Variants in DPM1 observed in about 807,000 individuals in gnomAD.
The protein encoded by DPM1 is dolichol-phosphate mannosyltransferase subunit 1.
In DPM1, 27 loss-of-function variants were observed where a neutral mutation model predicts 39.0. That is an observed-to-expected ratio of 0.69 (90% CI 0.51 to 0.95). The LOEUF (loss-of-function observed/expected upper bound fraction) is 0.95, where lower values mean the gene tolerates loss of function less well. Ranked by LOEUF, DPM1 falls within the 40% of genes least tolerant of loss-of-function variation. The probability of loss-of-function intolerance (pLI) is 0.00; values close to 1 mark genes in which losing one functional copy is unlikely to be tolerated. For missense variants in DPM1, 307 were observed against 315.6 expected, an observed-to-expected ratio of 0.97 and a Z score of 0.21; for synonymous variants, 124 against 109.0, an observed-to-expected ratio of 1.14 and a Z score of -0.86.
chr20:50,957,284 T>C (rs1986877025), intron 1 of DPM1, among the ~76,000 whole-genome samples: 1 of 152,216 alleles, frequency 6.6e-6, no homozygotes, highest in Admixed American at 6.5e-5. Context: ...AAACAGGCAC[T>C]CTGAAGAATG....
intron 2 of DPM1, 99 bp downstream of exon 2, chr20:50,955,087 G>T: frequency 2.0e-6 from 2 of 1,012,272 alleles, no homozygotes; most frequent in Non-Finnish European, 3.0e-6. Flanking sequence ...TATCTTTTCA[G>T]TTTCTAAACA....
At chr20:50,951,924 G>A (rs544503485) in intron 2 of DPM1, among the ~76,000 whole-genome samples, 2 of 152,208 alleles carry the variant, frequency 1.3e-5, no homozygotes, top group South Asian at 4.1e-4. Context: ...TATTTGGTAT[G>A]CTTTACTTTC....
rs1568765893 is a variant in DPM1 at position 50,943,784 on chromosome 20, G to GA, written c.399-1659_399-1658insT. Among the ~76,000 whole-genome samples, 14 of 148,048 alleles carry GA rather than the reference G, an allele frequency of 9.5e-5. No homozygotes were observed. The South Asian group carries it at 2.8e-3, about 30-fold the overall frequency. ...AGATGGAGTCTCGCTCTGTCGCCCA[G>GA]GCTGGAGTGCAGTGGCGCGATCTTG... On this transcript the variant is annotated intron_variant, in intron 5 of 8. Transcript: ENST00000371588.
chr20:50,941,072 C>T (rs762294408), intron 6 of DPM1, 139 bp from the exon 7 acceptor site: 2 of 995,576 alleles, frequency 2.0e-6, no homozygotes, highest in Non-Finnish European at 3.0e-6. Flanking sequence ...TTATCTAGAA[C>T]AAAATAGAAA....
In DPM1 at chr20:50,935,048, A is replaced by C; in HGVS notation, c.*84T>G. On this transcript the variant is annotated 3_prime_UTR_variant, in exon 9 of 9. Coordinates refer to ENST00000371588, the MANE Select transcript of DPM1 (RefSeq NM_003859.3). ...ACCTTACCTTATATTTTATACTTTA[A>C]GAGTACATTTTATACAAATCAGTAA... is the stretch of plus-strand genomic sequence containing the variant. 1 of 796,834 alleles carries C rather than the reference A, an allele frequency of 1.3e-6. No individual in the cohort carries two copies. The highest frequency in any genetic ancestry group is 2.1e-5 in the Admixed American group (1 of 47,006). 49.4% of individuals were successfully genotyped at this position (796,834 alleles called of 1,614,324 possible).
At chr20:50,956,692 T>G (rs1291423409) in intron 1 of DPM1, among the ~76,000 whole-genome samples, 2 of 152,216 alleles carry the variant, frequency 1.3e-5, no homozygotes, top group Non-Finnish European at 2.9e-5. Flanking sequence ...AACAATGACT[T>G]TGGCTTCCCA....
At chr20:50,941,634 GGAGGCA>G (rs1210424680) in intron 6 of DPM1, among the ~76,000 whole-genome samples, 17 of 152,004 alleles carry the variant, frequency 1.1e-4, no homozygotes, top group African/African-American at 4.1e-4. Flanking sequence ...CTTGAGCCCG[GGAGGCA>G]GAGGTTGCAG....
At chr20:50,937,508 T>C (rs1466147827) in intron 7 of DPM1, among the ~76,000 whole-genome samples, 3 of 152,036 alleles carry the variant, frequency 2.0e-5, no homozygotes, top group African/African-American at 7.2e-5. Context: ...AATGAAGATA[T>C]ATAATATGTC....
At chr20:50,937,886 A>G (rs1374048182) in intron 7 of DPM1, among the ~76,000 whole-genome samples, 1 of 152,000 alleles carries the variant, frequency 6.6e-6, no homozygotes, top group Non-Finnish European at 1.5e-5. Flanking sequence ...ATGTTGCCAG[A>G]GCTGGGGTCT....
chr20:50,946,451 CT>C (rs1412697502), intron 3 of DPM1, among the ~76,000 whole-genome samples: 2 of 152,230 alleles, frequency 1.3e-5, no homozygotes, highest in African/African-American at 2.4e-5. Context: ...ATCCACAGGT[CT>C]AGAGATGATT....
chr20:50,946,789 C>T (rs757642984), intron 3 of DPM1, among the ~76,000 whole-genome samples: 8 of 152,164 alleles, frequency 5.3e-5, no homozygotes, highest in African/African-American at 1.7e-4. Flanking sequence ...AAGTGAATAT[C>T]GGCTGGGTGT....
Position 50,941,417 on chromosome 20 carries a change from A to C in DPM1, c.495-484T>G, listed in dbSNP as rs545052565. On this transcript the variant is annotated intron_variant, in intron 6 of 8. Coordinates refer to ENST00000371588, the MANE Select transcript of DPM1 (RefSeq NM_003859.3). ...ATATTCATATTATATATATATATTC[A>C]TATTATATATATTAGCTGGGCATGG... 6.2e-5 allele frequency among the ~76,000 whole-genome samples: 9 copies of C among 146,060 alleles called. No homozygotes were observed. In the Admixed American group the frequency reaches 6.2e-4, roughly 10 times the overall value.
At chr20:50,936,401 T>G in intron 7 of DPM1, 139 bp from the exon 8 acceptor site, 1 of 607,316 alleles carries the variant, frequency 1.6e-6, no homozygotes, top group Non-Finnish European at 2.9e-6. Flanking sequence ...CTCGCACACT[T>G]GATGATTATG....
chr20:50,936,912 C>T (rs1985211345), intron 7 of DPM1, among the ~76,000 whole-genome samples: 1 of 152,170 alleles, frequency 6.6e-6, no homozygotes, highest in South Asian at 2.1e-4. Flanking sequence ...GAATGTGCAG[C>T]CTAACTTTAG....
At chr20:50,937,083 T>C (rs1985235718) in intron 7 of DPM1, among the ~76,000 whole-genome samples, 1 of 150,486 alleles carries the variant, frequency 6.6e-6, no homozygotes, top group South Asian at 2.1e-4. Context: ...TCTCAGTTCA[T>C]AGGGAGGCAG....
At chr20:50,951,881 T>C (rs890509534) in intron 2 of DPM1, among the ~76,000 whole-genome samples, 5 of 152,210 alleles carry the variant, frequency 3.3e-5, no homozygotes, top group African/African-American at 1.2e-4. Context: ...GATGTGCTTG[T>C]TTATTTCTTA....
intron 5 of DPM1, chr20:50,944,371 T>C (rs1986130108): frequency 6.6e-6 from 1 of 152,254 alleles, no homozygotes; most frequent in South Asian, 2.1e-4. Context: ...AAGAGGCTTT[T>C]GTATACTGGA....
In DPM1 at chr20:50,945,750, G is replaced by T. The variant is rs752831768; in HGVS notation, c.385C>A (p.Pro129Thr). 76 of 1,581,968 alleles carry T rather than the reference G, an allele frequency of 4.8e-5. 1 individual carries two copies. The African/African-American group carries it at 8.8e-4, about 18-fold the overall frequency. The stretch of plus-strand genomic sequence containing the variant: ...AATAGTACCTACCTAATAAATTCAG[G>T]AATAAATTTTGGCTGAAATTTGAAA... ...ADLSHHPKFI[P>T]EFIRKQKEGN... Residue 129 changes from proline to threonine, a missense_variant, in exon 5 of 9, where the codon CCT (proline) becomes ACT (threonine). Physicochemically the swap from Pro to Thr is conservative, Grantham distance 38. Around this residue, in one of 3 missense-constraint regions of DPM1, gnomAD observed 206 missense variants for 188.2 expected, o/e 1.09. Coordinates refer to ENST00000371588, the MANE Select transcript of DPM1 (RefSeq NM_003859.3).
intron 5 of DPM1, 143 bp downstream of exon 5, chr20:50,945,594 C>T: frequency 1.2e-6 from 1 of 844,398 alleles, no homozygotes; most frequent in South Asian, 1.8e-5. Flanking sequence ...CCCTCCTACC[C>T]TGACTTCCCA....
Sources: allele counts gnomAD v4.1 joint callset (sites outside exome capture counted in the v4.1 genomes callset), GRCh38; gene constraint gnomAD v4.1.1; regional missense constraint gnomAD v4.1.1; transcripts MANE v1.5; gene names NCBI Gene and HGNC (gene_info 2026-07-23, HGNC 2026-07-21).